PIP5K1C: variants seen among roughly 807,000 people sequenced by gnomAD.
PIP5K1C encodes phosphatidylinositol-4-phosphate 5-kinase type 1 gamma.
In PIP5K1C, 45 loss-of-function variants were observed where a neutral mutation model predicts 80.1. The ratio of observed to expected loss-of-function variants is 0.56; its 90% CI spans 0.44 to 0.72. The LOEUF is 0.72. Among genes scored for constraint, PIP5K1C ranks in the 30% least tolerant of loss-of-function variants. The pLI is 0.00. For missense variants in PIP5K1C, 753 were observed against 954.6 expected (o/e 0.79, Z 2.78); for synonymous variants, 498 against 420.1 (o/e 1.19, Z -2.27).
rs1411237930 is a variant in PIP5K1C at position 3,688,966 on chromosome 19, G to C, written c.94+11331C>G. Among the ~76,000 whole-genome samples, 1 of 152,104 alleles carries C rather than the reference G, an allele frequency of 6.6e-6. No individual in the cohort carries two copies. The highest frequency in any genetic ancestry group is 1.5e-5 in the Non-Finnish European group (1 of 68,022). ...GGGATGGGGCTGGGGGGTGGGGGGGGCTTGGCGCACGCGGCCTATGGTCTG... is the reference window on the plus strand; with the variant it reads ...GGGATGGGGCTGGGGGGTGGGGGGGCCTTGGCGCACGCGGCCTATGGTCTG... On this transcript the variant is annotated intron_variant, in intron 1 of 17. Coordinates refer to ENST00000335312, the MANE Select transcript of PIP5K1C (RefSeq NM_012398.3). This position sits in a 1 kb window ranked among gnomAD's most constrained non-coding sequence, Gnocchi z 5.3.
At chr19:3,687,520 C>CAT (rs925589906) in intron 1 of PIP5K1C, among the ~76,000 whole-genome samples, 7 of 151,184 alleles carry the variant, frequency 4.6e-5, no homozygotes, top group African/African-American at 1.5e-4. Flanking sequence ...CATACATGCA[C>CAT]ACATGCACAC....
chr19:3,670,228 C>T (rs1027438650), intron 1 of PIP5K1C, among the ~76,000 whole-genome samples: 7 of 152,162 alleles, frequency 4.6e-5, no homozygotes, highest in African/African-American at 1.7e-4. Flanking sequence ...CGGGGTTGGA[C>T]GGTGTCCCTC....
At chr19:3,651,045 C>T (rs2079659) in intron 8 of PIP5K1C, among the ~76,000 whole-genome samples, 16,185 of 146,598 alleles carry the variant, frequency 0.11, 1,053 homozygotes, top group East Asian at 0.18. Context: ...TGTGAGCCAC[C>T]GCGCCCAGCG....
At chr19:3,672,387 T>G (rs543798004) in intron 1 of PIP5K1C, among the ~76,000 whole-genome samples, 2 of 152,352 alleles carry the variant, frequency 1.3e-5, no homozygotes, top group East Asian at 3.9e-4. Flanking sequence ...TGGTCCCTCC[T>G]GCTGAGCCTG....
intron 5 of PIP5K1C, among the ~76,000 whole-genome samples, chr19:3,658,092 G>A (rs2034699273): frequency 1.3e-5 from 2 of 152,226 alleles, no homozygotes; most frequent in East Asian, 3.9e-4. Context: ...ATCAGGCCCA[G>A]GGCCTGGGAA....
At chr19:3,643,706 T>C (rs2034083562) in intron 12 of PIP5K1C, among the ~76,000 whole-genome samples, 1 of 138,282 alleles carries the variant, frequency 7.2e-6, no homozygotes, top group African/African-American at 2.6e-5. Context: ...CCGCGCTGCT[T>C]GGCCACACGG....
Position 3,633,158 on chromosome 19 carries a change from G to A in PIP5K1C, c.*9C>T. On this transcript the variant is annotated 3_prime_UTR_variant, in exon 18 of 18. Coordinates refer to ENST00000335312, the MANE Select transcript of PIP5K1C (RefSeq NM_012398.3). ...GGAGCTCGGCTCTGGGTCGGGGGCTGCATAGAAATTACTGCAAGAGCAAGA... is the reference window on the plus strand; with the variant it reads ...GGAGCTCGGCTCTGGGTCGGGGGCTACATAGAAATTACTGCAAGAGCAAGA... 2 of 766,468 alleles carry A rather than the reference G, an allele frequency of 2.6e-6. No homozygotes were observed. Among genetic ancestry groups the A allele is most frequent in the Non-Finnish European group, 4.9e-6 (2 of 411,898 alleles). The allele number at this position is 766,468 out of a possible 1,614,324, so 47.5% of individuals were successfully genotyped here. A position where few individuals can be genotyped will look rare whatever the true frequency, so the allele number is the denominator to read the frequency against.
intron 7 of PIP5K1C, among the ~76,000 whole-genome samples, chr19:3,652,319 T>C (rs1298424491): frequency 2.0e-5 from 3 of 152,232 alleles, no homozygotes; most frequent in African/African-American, 7.2e-5. Flanking sequence ...TACTCCTTCC[T>C]GAGAGACAGG....
intron 1 of PIP5K1C, among the ~76,000 whole-genome samples, chr19:3,687,807 C>A (rs559901228): frequency 3.3e-5 from 5 of 152,342 alleles, no homozygotes; most frequent in East Asian, 1.9e-4. Flanking sequence ...CCCCGCAGGG[C>A]ATAGAGTGAT....
chr19:3,692,529 G>T lies in PIP5K1C; in HGVS notation c.94+7768C>A, dbSNP rs1047139969. Among the ~76,000 whole-genome samples the T allele has an allele frequency of 6.6e-6, 1 of 152,108 alleles. No homozygotes were observed. The highest frequency in any genetic ancestry group is 1.5e-5 in the Non-Finnish European group (1 of 68,006). ...ACTCAACCTTCAAAAGGTCCTGCTG[G>T]CTCTGCTTCCAAAATCCATCCCAGA... On this transcript the variant is annotated intron_variant, in intron 1 of 17. Coordinates refer to ENST00000335312, the MANE Select transcript of PIP5K1C (RefSeq NM_012398.3). This position sits in a 1 kb window ranked among gnomAD's most constrained non-coding sequence, Gnocchi z 5.2.
At chr19:3,671,114 C>T (rs533864929) in intron 1 of PIP5K1C, among the ~76,000 whole-genome samples, 1 of 152,316 alleles carries the variant, frequency 6.6e-6, no homozygotes, top group African/African-American at 2.4e-5. Context: ...ACGTTCCAGA[C>T]CTCATCGGGG....
chr19:3,633,373 G>A (rs2033529645), intron 17 of PIP5K1C, 64 bp downstream of exon 17: 2 of 1,289,130 alleles, frequency 1.6e-6, no homozygotes, highest in Admixed American at 2.6e-5. Flanking sequence ...CCAGTAGCTG[G>A]GGACCACGCT....
In PIP5K1C at chr19:3,654,094, A is replaced by G. The variant is rs2034541889; in HGVS notation, c.622-505T>C. 2.6e-5 allele frequency among the ~76,000 whole-genome samples: 4 copies of G among 152,268 alleles called. 1 individual carries two copies. The South Asian group carries it at 6.2e-4, about 24-fold the overall frequency. ...ACAGCTCACTGCAGCCTCCACCTCC[A>G]GGGCTCAAACCATCCTCCCACCTCA... On this transcript the variant is annotated intron_variant, in intron 6 of 17. Coordinates refer to ENST00000335312, the MANE Select transcript of PIP5K1C (RefSeq NM_012398.3).
At position 3,693,988 on chromosome 19, in the gene PIP5K1C, G is replaced by A. The variant is rs1205202425; in HGVS notation, c.94+6309C>T. Among the ~76,000 whole-genome samples the A allele has an allele frequency of 2.0e-5, 3 of 152,072 alleles. 1 individual carries two copies. In the South Asian group the frequency reaches 6.2e-4, roughly 32 times the overall value. ...AGCACTTTGGGAGGCTGAGGCGGGCGGATCACCAGGTCAGGAGATCAACAC... is the reference window on the plus strand; with the variant it reads ...AGCACTTTGGGAGGCTGAGGCGGGCAGATCACCAGGTCAGGAGATCAACAC... On this transcript the variant is annotated intron_variant, in intron 1 of 17. Coordinates refer to ENST00000335312, the MANE Select transcript of PIP5K1C (RefSeq NM_012398.3).
intron 1 of PIP5K1C, among the ~76,000 whole-genome samples, chr19:3,689,227 A>G (rs1287782365): frequency 6.6e-6 from 1 of 152,110 alleles, no homozygotes; most frequent in Non-Finnish European, 1.5e-5. Context: ...ACGAACATAC[A>G]ACAAGGTCAC....
At chr19:3,674,480 G>A (rs1478217725) in intron 1 of PIP5K1C, among the ~76,000 whole-genome samples, 5 of 151,180 alleles carry the variant, frequency 3.3e-5, no homozygotes, top group Non-Finnish European at 7.4e-5. Context: ...AGCCTCCCCC[G>A]AGTAGCTGCA....
At chr19:3,653,256 C>T in intron 7 of PIP5K1C, 34 bp downstream of exon 7, 1 of 1,593,992 alleles carries the variant, frequency 6.3e-7, no homozygotes, top group Non-Finnish European at 8.5e-7. Context: ...TCCCACCTGC[C>T]ACCCTCCCTC....
At chr19:3,673,920 C>T (rs538939655) in intron 1 of PIP5K1C, 2 of 152,394 alleles carry the variant, frequency 1.3e-5, no homozygotes, top group East Asian at 1.9e-4. Flanking sequence ...GAATCTTCTC[C>T]TGCTAAACTG....
intron 16 of PIP5K1C, among the ~76,000 whole-genome samples, chr19:3,634,450 C>G (rs1041249182): frequency 1.3e-5 from 2 of 152,310 alleles, no homozygotes; most frequent in Middle Eastern, 3.4e-3. Context: ...AGATGACCTG[C>G]GAATTTCCAC....
Sources: allele counts gnomAD v4.1 joint callset (sites outside exome capture counted in the v4.1 genomes callset), GRCh38; gene constraint gnomAD v4.1.1; non-coding constraint Gnocchi (gnomAD v3.1); transcripts MANE v1.5; gene names NCBI Gene and HGNC (gene_info 2026-07-23, HGNC 2026-07-21).